Variants in KCNQ5 observed in about 807,000 individuals in gnomAD.
The protein encoded by KCNQ5 is potassium voltage-gated channel subfamily Q member 5, also known as potassium voltage-gated channel subfamily KQT member 5.
KCNQ5 carries 30 observed loss-of-function variants against 98.2 expected under a neutral mutation model. The observed-to-expected ratio is 0.31, with a 90% CI of 0.23 to 0.41. The LOEUF is 0.41. Among genes scored for constraint, KCNQ5 ranks in the 10% least tolerant of loss-of-function variants. The probability of loss-of-function intolerance (pLI) is 1.00; values close to 1 mark genes in which losing one functional copy is unlikely to be tolerated. For missense variants in KCNQ5, 835 were observed against 1,182.5 expected, an observed-to-expected ratio of 0.71 and a Z score of 4.31; for synonymous variants, 458 against 449.4, an observed-to-expected ratio of 1.02 and a Z score of -0.24.
At chr6:72,968,309 T>C (rs1370373396) in intron 1 of KCNQ5, among the ~76,000 whole-genome samples, 1 of 152,192 alleles carries the variant, frequency 6.6e-6, no homozygotes, top group Non-Finnish European at 1.5e-5. Context: ...TGGGGAATAC[T>C]GAATTAGAGA....
intron 1 of KCNQ5, among the ~76,000 whole-genome samples, chr6:72,674,472 T>G (rs1767304530): frequency 6.6e-6 from 1 of 152,038 alleles, no homozygotes; most frequent in Non-Finnish European, 1.5e-5. Flanking sequence ...AAAAATATTT[T>G]TAAGTTAAAA....
At chr6:72,921,060 T>A (rs1441763151) in intron 1 of KCNQ5, among the ~76,000 whole-genome samples, 1 of 152,162 alleles carries the variant, frequency 6.6e-6, no homozygotes, top group African/African-American at 2.4e-5. Flanking sequence ...AGAAAGGGGC[T>A]TATTGTCTAG....
In KCNQ5 at chr6:73,157,554, G is replaced by A. The variant is rs573908593; in HGVS notation, c.1469-12192G>A. ...ACGATACTTCCATCCTTGCTGGGTG[G>A]TGTCAGAGGAAGGGAACCAGCGCAC... On this transcript the variant is annotated intron_variant, in intron 10 of 13. Coordinates refer to ENST00000370398, the MANE Select transcript of KCNQ5 (RefSeq NM_019842.4). 2.0e-3 allele frequency: 1,489 copies of A among 752,244 alleles called. 6 individuals carry two copies. Among genetic ancestry groups the A allele is most frequent in the Non-Finnish European group, 2.0e-3 (796 of 405,192 alleles). The allele number at this position is 752,244 out of a possible 1,614,324, so 46.6% of individuals were successfully genotyped here.
intron 12 of KCNQ5, among the ~76,000 whole-genome samples, chr6:73,192,273 C>T (rs746924934): frequency 1.7e-4 from 26 of 152,174 alleles, no homozygotes; most frequent in Admixed American, 2.0e-4. Context: ...TGGTTAAATT[C>T]AGGAACTGCC....
chr6:72,907,448 G>T (rs554067731), intron 1 of KCNQ5, among the ~76,000 whole-genome samples: 1 of 152,162 alleles, frequency 6.6e-6, no homozygotes, highest in Non-Finnish European at 1.5e-5. Flanking sequence ...TGTATTTTTG[G>T]TTAATGCTGT....
At chr6:73,130,795 A>G (rs889295923) in intron 9 of KCNQ5, among the ~76,000 whole-genome samples, 1 of 152,244 alleles carries the variant, frequency 6.6e-6, no homozygotes, top group African/African-American at 2.4e-5. Flanking sequence ...ACAAGAACAG[A>G]TCTTTGCCTT....
chr6:72,633,042 C>T (rs1333170240), intron 1 of KCNQ5, among the ~76,000 whole-genome samples: 1 of 152,120 alleles, frequency 6.6e-6, no homozygotes, highest in African/African-American at 2.4e-5. Flanking sequence ...ATTTACATTC[C>T]CACTAACAGT....
At chr6:72,685,550 T>C (rs1767909489) in intron 1 of KCNQ5, among the ~76,000 whole-genome samples, 1 of 152,230 alleles carries the variant, frequency 6.6e-6, no homozygotes, top group African/African-American at 2.4e-5. Context: ...TCAGAGATGT[T>C]GTATGCATTA....
At chr6:72,982,462 T>G (rs1768510590) in intron 1 of KCNQ5, among the ~76,000 whole-genome samples, 1 of 149,992 alleles carries the variant, frequency 6.7e-6, no homozygotes. Flanking sequence ...GTCTGTTTTA[T>G]CAGAGACTAG....
intron 1 of KCNQ5, among the ~76,000 whole-genome samples, chr6:72,635,818 A>T (rs576225579): frequency 1.3e-5 from 2 of 151,742 alleles, no homozygotes; most frequent in Middle Eastern, 3.2e-3. Context: ...TTCTAATTAC[A>T]TGCTCTAAGA....
chr6:73,111,768 C>A (rs977775058), intron 7 of KCNQ5, among the ~76,000 whole-genome samples: 1 of 152,034 alleles, frequency 6.6e-6, no homozygotes, highest in African/African-American at 2.4e-5. Flanking sequence ...GGCATTGTTC[C>A]CTGCATTCCA....
At chr6:72,638,495 A>G (rs2098925436) in intron 1 of KCNQ5, among the ~76,000 whole-genome samples, 1 of 152,210 alleles carries the variant, frequency 6.6e-6, no homozygotes, top group African/African-American at 2.4e-5. Context: ...CTAGACAACC[A>G]TAAATAAGAA....
chr6:72,948,914 A>G (rs956739616), intron 1 of KCNQ5, among the ~76,000 whole-genome samples: 3 of 152,124 alleles, frequency 2.0e-5, no homozygotes, highest in African/African-American at 7.2e-5. Flanking sequence ...AAATGCACAT[A>G]TACTGTCTTG....
rs1229442156 is a variant in KCNQ5 at position 72,951,473 on chromosome 6, G to A, written c.399-52435G>A. On this transcript the variant is annotated intron_variant, in intron 1 of 13. Transcript: ENST00000370398. ...TTTTTTTTTTTTTTTAAGTAGAGAA[G>A]AGGTTTCACCCTGTTGGCCAGGTTG... is the stretch of plus-strand genomic sequence containing the variant. 2.1e-5 allele frequency among the ~76,000 whole-genome samples: 3 copies of A among 144,194 alleles called. 1 individual carries two copies. In the Admixed American group the frequency reaches 2.1e-4, roughly 10 times the overall value. The allele number at this position is 144,194 out of a possible 152,430, so 94.6% of individuals were successfully genotyped here.
chr6:72,624,849 C>T (rs1419124435), intron 1 of KCNQ5, among the ~76,000 whole-genome samples: 9 of 152,308 alleles, frequency 5.9e-5, no homozygotes, highest in African/African-American at 2.2e-4. Flanking sequence ...AGGAAAGAGG[C>T]CATCTTTGGC....
intron 10 of KCNQ5, among the ~76,000 whole-genome samples, chr6:73,153,681 A>G (rs1777239559): frequency 6.6e-6 from 1 of 151,926 alleles, no homozygotes; most frequent in African/African-American, 2.4e-5. Context: ...CTCTAAGTCT[A>G]TCTCTTTAGA....
chr6:72,727,065 G>C (rs1266001226), intron 1 of KCNQ5, among the ~76,000 whole-genome samples: 1 of 152,194 alleles, frequency 6.6e-6, no homozygotes, highest in African/African-American at 2.4e-5. Context: ...TAATACTTCA[G>C]TAAGGATTTC....
At chr6:72,900,083 G>A (rs553904225) in intron 1 of KCNQ5, among the ~76,000 whole-genome samples, 33 of 152,064 alleles carry the variant, frequency 2.2e-4, no homozygotes, top group African/African-American at 5.8e-4. Flanking sequence ...TGATCCACCC[G>A]CCTTGGCCTC....
chr6:72,717,933 T>C (rs1179996565), intron 1 of KCNQ5, among the ~76,000 whole-genome samples: 3 of 152,194 alleles, frequency 2.0e-5, no homozygotes, highest in African/African-American at 7.2e-5. Context: ...CCAAGAGTAG[T>C]TGGATTTCTG....
Sources: gnomAD v4.1 joint callset for allele counts (sites outside exome capture counted in the v4.1 genomes callset) on GRCh38, gnomAD v4.1.1 for gene constraint, MANE v1.5 for transcripts, NCBI Gene and HGNC (gene_info 2026-07-23, HGNC 2026-07-21) for gene names.